The following LTN1 variants were observed in gnomAD, a reference collection of about 807,000 sequenced individuals.
LTN1 encodes the protein listerin E3 ubiquitin protein ligase 1.
A neutral mutation model predicts 201.2 loss-of-function variants in LTN1; 88 were observed. The ratio of observed to expected loss-of-function variants is 0.44; its 90% CI spans 0.37 to 0.52. The LOEUF is 0.52. Among genes scored for constraint, LTN1 ranks in the 20% least tolerant of loss-of-function variants. The probability of loss-of-function intolerance (pLI) is 0.00; values close to 1 mark genes in which losing one functional copy is unlikely to be tolerated. For missense variants in LTN1, 1,752 were observed against 2,038.7 expected, an observed-to-expected ratio of 0.86 and a Z score of 2.71; for synonymous variants, 645 against 713.5, an observed-to-expected ratio of 0.90 and a Z score of 1.53.
In LTN1 at chr21:28,986,510, C is replaced by CA. The variant is rs151269924; in HGVS notation, c.246+220dup. Reference sequence around the variant, plus strand: ...TCCCTAATGGGAAAAACTATACAGCCAAAATTCCAAAGCACTTTAAAAAAG... The same window carrying CA: ...TCCCTAATGGGAAAAACTATACAGCCAAAAATTCCAAAGCACTTTAAAAAAG... On this transcript the variant is annotated intron_variant, in intron 2 of 29. Coordinates refer to ENST00000361371, the MANE Select transcript of LTN1 (RefSeq NM_015565.3). The surrounding 1 kb of genome is among the most constrained non-coding windows in gnomAD (Gnocchi z 4.1). 0.038 allele frequency: 24,679 copies of CA among 651,378 alleles called. 615 individuals are homozygous for CA. The highest frequency in any genetic ancestry group is 0.094 in the Middle Eastern group (317 of 3,368). The allele number at this position is 651,378 out of a possible 1,614,324, so 40.3% of individuals were successfully genotyped here. A position where few individuals can be genotyped will look rare whatever the true frequency, so the allele number is the denominator to read the frequency against.
In LTN1 at chr21:28,932,534, A is replaced by G; in HGVS notation, c.5006T>C (p.Val1669Ala). The change falls in exon 28 of 30, where the codon GTA becomes GCA. Residue 1669 changes from valine to alanine, a missense_variant. Physicochemically the swap from Val to Ala is moderately conservative, Grantham distance 64. Transcript: ENST00000361371. ...GSIIVESGKR[V>A]GVAVQQWRNW... ...CCGCCACTGCTGAACAGCTACTCCTACTCTTTTCCCACTTTCTACTATTAT... is the reference window on the plus strand; with the variant it reads ...CCGCCACTGCTGAACAGCTACTCCTGCTCTTTTCCCACTTTCTACTATTAT... 1.2e-6 allele frequency: 2 copies of G among 1,613,870 alleles called. No homozygotes were observed. Among genetic ancestry groups the G allele is most frequent in the South Asian group, 1.1e-5 (1 of 91,072 alleles).
At chr21:28,973,273 G>A (rs1162539488) in intron 6 of LTN1, among the ~76,000 whole-genome samples, 1 of 147,034 alleles carries the variant, frequency 6.8e-6, no homozygotes, top group South Asian at 2.1e-4. Context: ...CTTGAATCCG[G>A]AAGGCGGAGG....
At chr21:28,933,887 G>A (rs1333508934) in intron 27 of LTN1, among the ~76,000 whole-genome samples, 1 of 152,082 alleles carries the variant, frequency 6.6e-6, no homozygotes, top group Non-Finnish European at 1.5e-5. Context: ...TGTTGGCCAG[G>A]CTGGTCTTGA....
At chr21:28,952,314 TA>T in intron 17 of LTN1, 50 bp from the exon 18 acceptor site, 1 of 1,103,024 alleles carries the variant, frequency 9.1e-7, no homozygotes, top group South Asian at 1.4e-5. Flanking sequence ...GCATACTGAA[TA>T]AAATGTTTAA....
At chr21:28,944,229 T>C (rs556792711) in intron 22 of LTN1, among the ~76,000 whole-genome samples, 154 bp downstream of exon 22, 3 of 152,354 alleles carry the variant, frequency 2.0e-5, no homozygotes, top group East Asian at 1.9e-4. Flanking sequence ...AAGTAAAGCA[T>C]AGATGATGCT....
Position 28,929,242 on chromosome 21 carries a change from G to A in LTN1, c.*1206C>T, listed in dbSNP as rs2084192440. 6.6e-6 allele frequency: 1 copy of A among 152,588 alleles called. No homozygotes were observed. The highest frequency in any genetic ancestry group is 1.5e-5 in the Non-Finnish European group (1 of 68,004). The allele number at this position is 152,588 out of a possible 1,614,324, so 9.5% of individuals were successfully genotyped here. On this transcript the variant is annotated 3_prime_UTR_variant, in exon 30 of 30. Coordinates refer to ENST00000361371, the MANE Select transcript of LTN1 (RefSeq NM_015565.3). Reference sequence around the variant, plus strand: ...GAATTGCTTTTTGCCAATTAAACATGTGCAACAGAGATGATTAGCTGGTCT... The same window carrying A: ...GAATTGCTTTTTGCCAATTAAACATATGCAACAGAGATGATTAGCTGGTCT...
chr21:28,966,367 T>C lies in LTN1; in HGVS notation c.2121+3A>G. 1.3e-6 allele frequency: 2 copies of C among 1,588,742 alleles called. No homozygotes were observed. The highest frequency in any genetic ancestry group is 1.7e-6 in the Non-Finnish European group (2 of 1,168,924). On this transcript the variant is annotated splice_donor_region_variant and intron_variant, in intron 10 of 29. Coordinates refer to ENST00000361371, the MANE Select transcript of LTN1 (RefSeq NM_015565.3). ...AGTTTGAAAAGATATACAACAGGAA[T>C]ACCTTGGTTAGATCATCCAAGACTT...
At chr21:28,982,246 T>A in intron 5 of LTN1, 70 bp downstream of exon 5, 1 of 1,328,956 alleles carries the variant, frequency 7.5e-7, no homozygotes, top group Non-Finnish European at 1.1e-6. Context: ...AAAGTCACAT[T>A]GAAATCATCT....
chr21:28,992,608 G>C (rs981569740), intron 1 of LTN1, among the ~76,000 whole-genome samples, 156 bp downstream of exon 1: 1 of 152,078 alleles, frequency 6.6e-6, no homozygotes, highest in Non-Finnish European at 1.5e-5. Flanking sequence ...AACACAAACC[G>C]CTCTCAGGGA....
chr21:28,943,923 G>T lies in LTN1; in HGVS notation c.3983-19C>A. The T allele has an allele frequency of 1.4e-6, 2 of 1,470,544 alleles. No homozygotes were observed. The highest frequency in any genetic ancestry group is 2.3e-5 in the South Asian group (2 of 88,074). 91.1% of individuals were successfully genotyped at this position (1,470,544 alleles called of 1,614,324 possible). A position where few individuals can be genotyped will look rare whatever the true frequency, so the allele number is the denominator to read the frequency against. The stretch of plus-strand genomic sequence containing the variant: ...TTTTCTCCTAATGACAAAAAGGAAA[G>T]AAACATGCACGTCTCAAAAGAAAGT... On this transcript the variant is annotated intron_variant, in intron 22 of 29. Transcript: ENST00000361371.
chr21:28,965,460 G>C (rs1314701053), intron 11 of LTN1, among the ~76,000 whole-genome samples: 1 of 152,140 alleles, frequency 6.6e-6, no homozygotes. Context: ...TAGTGTTCCA[G>C]AGTAGAGAAA....
chr21:28,932,078 T>G lies in LTN1; in HGVS notation c.5070+392A>C, dbSNP rs554817954. The stretch of plus-strand genomic sequence containing the variant: ...CACAGAACTGAAGATTTAAAATGTG[T>G]TTAGAGGTCAAAGGTCTTTGAGGGT... On this transcript the variant is annotated intron_variant, in intron 28 of 29. Transcript: ENST00000361371. 2.0e-5 allele frequency among the ~76,000 whole-genome samples: 3 copies of G among 152,320 alleles called. No homozygotes were observed. The South Asian group carries it at 6.2e-4, about 32-fold the overall frequency.
chr21:28,936,765 C>A, intron 25 of LTN1, 68 bp from the exon 26 acceptor site: 2 of 1,184,574 alleles, frequency 1.7e-6, no homozygotes, highest in South Asian at 1.6e-5. Flanking sequence ...AAGAACAACT[C>A]AAAGTGTAAC....
chr21:28,974,550 G>A (rs1018228252), intron 6 of LTN1, among the ~76,000 whole-genome samples: 10 of 152,130 alleles, frequency 6.6e-5, no homozygotes, highest in African/African-American at 1.9e-4. Context: ...TTGCCCAAAC[G>A]TGGCTGTGGT....
At chr21:28,989,738 T>C (rs2084730310) in intron 1 of LTN1, among the ~76,000 whole-genome samples, 1 of 152,188 alleles carries the variant, frequency 6.6e-6, no homozygotes, top group Non-Finnish European at 1.5e-5. Flanking sequence ...CAGGGCATGG[T>C]GGCTCACACC....
At chr21:28,966,018 T>C (rs1382132630) in intron 10 of LTN1, 112 bp from the exon 11 acceptor site, 1 of 688,736 alleles carries the variant, frequency 1.5e-6, no homozygotes, top group Non-Finnish European at 2.5e-6. Context: ...AGCCAATGTC[T>C]CACCTCAGCC....
rs368300991 is a variant in LTN1, at chr21:28,944,479, T to C, written c.3886A>G (p.Ile1296Val). The change falls in exon 22 of 30, where the codon ATT becomes GTT. Residue 1296 changes from isoleucine (I) to valine (V), a missense_variant. Transcript: ENST00000361371. ...AFFDSTTLDTIGNLPVNLISE... is the reference protein window; with the variant it reads ...AFFDSTTLDTVGNLPVNLISE... The stretch of plus-strand genomic sequence containing the variant: ...ATTAGATTTACAGGAAGATTGCCAA[T>C]GGTATCCAGAGTTGTGGAATCAAAG... The C allele has an allele frequency of 1.3e-5, 21 of 1,613,990 alleles. No individual in the cohort carries two copies. The highest frequency in any genetic ancestry group is 1.6e-5 in the Non-Finnish European group (19 of 1,179,916).
chr21:28,943,461 A>C (rs754155533), intron 23 of LTN1, 125 bp from the exon 24 acceptor site: 21 of 697,364 alleles, frequency 3.0e-5, no homozygotes, highest in Non-Finnish European at 4.9e-5. Context: ...TCTTTAAAAT[A>C]ACTACTATAG....
intron 18 of LTN1, among the ~76,000 whole-genome samples, chr21:28,950,474 T>A (rs965572747): frequency 3.3e-5 from 5 of 152,194 alleles, no homozygotes; most frequent in African/African-American, 7.2e-5. Flanking sequence ...AAAAAGCTAA[T>A]GTCAAAAAGT....
Sources: allele counts gnomAD v4.1 joint callset (sites outside exome capture counted in the v4.1 genomes callset), GRCh38; gene constraint gnomAD v4.1.1; non-coding constraint Gnocchi (gnomAD v3.1); transcripts MANE v1.5; gene names NCBI Gene and HGNC (gene_info 2026-07-23, HGNC 2026-07-21).